SCAPER: variants seen among roughly 807,000 people sequenced by gnomAD.
The protein encoded by SCAPER is S-phase cyclin A associated protein in the ER.
In SCAPER, 98 loss-of-function variants were observed where a neutral mutation model predicts 182.2. That is an observed-to-expected ratio of 0.54 (90% CI 0.46 to 0.64). SCAPER has a LOEUF of 0.64. Ranked by LOEUF, SCAPER falls within the 30% of genes least tolerant of loss-of-function variation. The pLI is 0.00. For missense variants in SCAPER, 1,432 were observed against 1,690.0 expected (o/e 0.85, Z 2.68); for synonymous variants, 605 against 564.6 (o/e 1.07, Z -1.01).
intron 5 of SCAPER, among the ~76,000 whole-genome samples, chr15:76,813,349 C>T (rs958570040): frequency 4.0e-5 from 6 of 148,952 alleles, no homozygotes; most frequent in Admixed American, 6.7e-5. Flanking sequence ...CAACAGTGAT[C>T]AATATCAACA....
At chr15:76,430,613 T>C (rs1251543818) in intron 26 of SCAPER, among the ~76,000 whole-genome samples, 2 of 152,360 alleles carry the variant, frequency 1.3e-5, no homozygotes, top group East Asian at 3.9e-4. Flanking sequence ...TTTGGCCAAT[T>C]TCCCCTATTT....
intron 25 of SCAPER, among the ~76,000 whole-genome samples, chr15:76,451,020 G>A (rs1325887472): frequency 6.6e-6 from 1 of 152,188 alleles, no homozygotes; most frequent in African/African-American, 2.4e-5. Flanking sequence ...TGAAGTCAAT[G>A]TTCCCTTTTG....
At chr15:76,779,741 A>G (rs1036382029) in intron 8 of SCAPER, among the ~76,000 whole-genome samples, 1 of 152,184 alleles carries the variant, frequency 6.6e-6, no homozygotes, top group African/African-American at 2.4e-5. Context: ...GTACAAAAAA[A>G]TTAAATGACT....
chr15:76,650,179 A>T (rs2054902557), intron 21 of SCAPER, among the ~76,000 whole-genome samples: 1 of 152,142 alleles, frequency 6.6e-6, no homozygotes, highest in Admixed American at 6.5e-5. Flanking sequence ...AGCAAACACT[A>T]AAAATAAAAA....
At chr15:76,361,822 C>T (rs1005792176) in intron 29 of SCAPER, among the ~76,000 whole-genome samples, 13 of 152,250 alleles carry the variant, frequency 8.5e-5, no homozygotes, top group Middle Eastern at 6.8e-3. Flanking sequence ...AAATCTGCTT[C>T]CACATACCTA....
intron 23 of SCAPER, among the ~76,000 whole-genome samples, chr15:76,526,570 T>A (rs2043213706): frequency 6.6e-6 from 1 of 152,220 alleles, no homozygotes; most frequent in Non-Finnish European, 1.5e-5. Context: ...TTATACTCTA[T>A]CATTCTGAAC....
At chr15:76,720,199 G>A (rs1388398134) in intron 17 of SCAPER, among the ~76,000 whole-genome samples, 8 of 151,022 alleles carry the variant, frequency 5.3e-5, no homozygotes, top group Non-Finnish European at 7.4e-5. Context: ...TTGTCCTTGC[G>A]ATAGTTTGCT....
chr15:76,759,726 T>C (rs1259730104), intron 14 of SCAPER, among the ~76,000 whole-genome samples: 1 of 152,190 alleles, frequency 6.6e-6, no homozygotes, highest in Non-Finnish European at 1.5e-5. Flanking sequence ...AATATTAGTG[T>C]GTTTTTTGTC....
Position 76,507,963 on chromosome 15 carries a change from A to C in SCAPER, c.2839-2989T>G, listed in dbSNP as rs964114948. ...AATATACACAAAGAAAAGTGCACTA[A>C]TCGTAATTGTACAGCTGGATGCATG... On this transcript the variant is annotated intron_variant, in intron 23 of 31. Transcript: ENST00000563290. Among the ~76,000 whole-genome samples the C allele has an allele frequency of 1.6e-4, 24 of 152,168 alleles. 1 individual carries two copies. The highest frequency in any genetic ancestry group is 5.1e-4 in the African/African-American group (21 of 41,446).
chr15:76,569,746 T>C (rs1220853319), intron 23 of SCAPER, among the ~76,000 whole-genome samples: 5 of 152,078 alleles, frequency 3.3e-5, no homozygotes, highest in African/African-American at 4.8e-5. Context: ...CTCTCCATGC[T>C]CAGTCTGGAT....
intron 22 of SCAPER, among the ~76,000 whole-genome samples, chr15:76,611,552 G>A (rs2050994874): frequency 6.6e-6 from 1 of 152,118 alleles, no homozygotes; most frequent in African/African-American, 2.4e-5. Flanking sequence ...AATTGAGGAG[G>A]AGGGACTCCA....
At chr15:76,494,740 CTTAT>C (rs1199071501) in intron 24 of SCAPER, among the ~76,000 whole-genome samples, 3 of 151,868 alleles carry the variant, frequency 2.0e-5, no homozygotes, top group Non-Finnish European at 4.4e-5. Context: ...TATAGAATAT[CTTAT>C]TGATTGATAA....
intron 23 of SCAPER, among the ~76,000 whole-genome samples, chr15:76,520,784 T>C (rs1466051474): frequency 6.6e-6 from 1 of 152,210 alleles, no homozygotes; most frequent in Non-Finnish European, 1.5e-5. Context: ...TAGTAAGTGC[T>C]GATCAGGAAG....
chr15:76,445,086 T>C (rs2047902382), intron 25 of SCAPER, among the ~76,000 whole-genome samples: 2 of 152,228 alleles, frequency 1.3e-5, no homozygotes, highest in Admixed American at 6.5e-5. Flanking sequence ...GTCACCCGAA[T>C]AGTGTACACT....
intron 17 of SCAPER, among the ~76,000 whole-genome samples, chr15:76,720,012 T>C (rs1281717105): frequency 2.0e-5 from 3 of 151,978 alleles, no homozygotes; most frequent in South Asian, 2.1e-4. Flanking sequence ...ATGTGCCATG[T>C]TGGTGTGCTG....
intron 17 of SCAPER, among the ~76,000 whole-genome samples, chr15:76,722,914 G>C (rs966792557): frequency 6.6e-6 from 1 of 151,576 alleles, no homozygotes; most frequent in Non-Finnish European, 1.5e-5. Flanking sequence ...GGGTTTTTTT[G>C]TGTCTCTATT....
chr15:76,895,038 A>G (rs181915089), intron 1 of SCAPER, among the ~76,000 whole-genome samples: 9 of 152,318 alleles, frequency 5.9e-5, no homozygotes, highest in African/African-American at 1.9e-4. Context: ...CACAAGGCCA[A>G]CATTACCCTA....
intron 5 of SCAPER, among the ~76,000 whole-genome samples, chr15:76,819,404 C>G (rs1227057796): frequency 4.6e-5 from 7 of 152,190 alleles, no homozygotes; most frequent in Non-Finnish European, 1.0e-4. Context: ...GAGGAACGAT[C>G]AGGCAGCAGC....
intron 26 of SCAPER, among the ~76,000 whole-genome samples, chr15:76,405,056 T>C (rs539839466): frequency 1.3e-5 from 2 of 152,140 alleles, no homozygotes; most frequent in South Asian, 4.1e-4. Flanking sequence ...AATGCAAGGA[T>C]TTAGAAGATA....
Sources: allele counts gnomAD v4.1 joint callset (sites outside exome capture counted in the v4.1 genomes callset), GRCh38; gene constraint gnomAD v4.1.1; transcripts MANE v1.5; gene names NCBI Gene and HGNC (gene_info 2026-07-23, HGNC 2026-07-21).